The following SLAIN2 variants were observed in gnomAD, a reference collection of about 807,000 sequenced individuals.
SLAIN2 encodes SLAIN motif-containing protein 2.
Under a neutral mutation model 56.6 loss-of-function variants are expected in SLAIN2, and 31 were observed. The ratio of observed to expected loss-of-function variants is 0.55; its 90% CI spans 0.41 to 0.74. SLAIN2 has a LOEUF of 0.74. Among genes scored for constraint, SLAIN2 ranks in the 30% least tolerant of loss-of-function variants. The pLI is 0.00. For synonymous variants in SLAIN2, 317 were observed against 284.9 expected, an observed-to-expected ratio of 1.11 and a Z score of -1.13; for missense variants, 777 against 754.2, an observed-to-expected ratio of 1.03 and a Z score of -0.35.
intron 6 of SLAIN2, among the ~76,000 whole-genome samples, chr4:48,385,226 C>T (rs1013695912): frequency 2.0e-5 from 3 of 152,140 alleles, no homozygotes; most frequent in Non-Finnish European, 4.4e-5. Context: ...TACTTTTTAG[C>T]TAGGATAGAT....
Position 48,383,729 on chromosome 4 carries a change from A to G in SLAIN2, c.1305A>G (p.Ser435=), listed in dbSNP as rs749428457. ...CAGTGAAAAGCAGCAGAAGTGACTC[A>G]AATTTTCAAGTGCCAAACGGAGGAA... The part of the protein sequence containing the change: ...VDSVKSSRSD[S]NFQVPNGGIP... Residue 435 remains serine (S), a synonymous_variant, in exon 6 of 8, where the codon TCA becomes TCG. Transcript: ENST00000264313. 18 of 1,612,008 alleles carry G rather than the reference A, an allele frequency of 1.1e-5. No homozygotes were observed. The African/African-American group carries it at 2.3e-4, about 20-fold the overall frequency.
At position 48,341,962 on chromosome 4, in the gene SLAIN2, T is replaced by C; in HGVS notation, c.223T>C (p.Ser75Pro). 1.4e-6 allele frequency: 2 copies of C among 1,444,336 alleles called. No individual in the cohort carries two copies. The highest frequency in any genetic ancestry group is 1.8e-6 in the Non-Finnish European group (2 of 1,104,412). 89.5% of individuals were successfully genotyped at this position (1,444,336 alleles called of 1,614,324 possible). ...RGFPLGLSAK[S>P]GGGPGSGPRR... is the part of the protein sequence containing the mutation. ...CTTCCCCTTGGGCCTCAGCGCCAAG[T>C]CGGGCGGCGGGCCCGGGTCGGGCCC... Residue 75 changes from serine (S) to proline (P), a missense_variant, in exon 1 of 8, where the codon TCG becomes CCG. Physicochemically the swap from Ser to Pro is moderately conservative, Grantham distance 74. Transcript: ENST00000264313.
rs57035501 is a variant in SLAIN2 at position 48,409,317 on chromosome 4, A to T, written c.1361-10808A>T. Among the ~76,000 whole-genome samples the T allele has an allele frequency of 1.7e-3, 259 of 151,374 alleles. 1 individual carries two copies. The highest frequency in any genetic ancestry group is 6.0e-3 in the African/African-American group (249 of 41,194). On this transcript the variant is annotated intron_variant, in intron 6 of 7. Transcript: ENST00000264313. ...TTTTTGGTATCCATTAACCATCTCCACCTCCCCCGACCCTGCCATCAGCTA... is the reference window on the plus strand; with the variant it reads ...TTTTTGGTATCCATTAACCATCTCCTCCTCCCCCGACCCTGCCATCAGCTA...
At chr4:48,357,037 TAATG>T (rs543391360) in intron 1 of SLAIN2, among the ~76,000 whole-genome samples, 8 of 151,932 alleles carry the variant, frequency 5.3e-5, no homozygotes, top group Admixed American at 5.2e-4. Context: ...AAAACTTTAT[TAATG>T]AGTTTGCCTT....
chr4:48,361,655 C>T (rs1715330784), intron 1 of SLAIN2, among the ~76,000 whole-genome samples: 2 of 151,818 alleles, frequency 1.3e-5, no homozygotes, highest in African/African-American at 2.4e-5. Flanking sequence ...TTTATCCGTT[C>T]TTTGGCCTTT....
At chr4:48,401,702 C>A (rs1716561516) in intron 6 of SLAIN2, among the ~76,000 whole-genome samples, 1 of 151,812 alleles carries the variant, frequency 6.6e-6, no homozygotes, top group Non-Finnish European at 1.5e-5. Context: ...TTGAAGACAG[C>A]ATGGGTCTTG....
At chr4:48,388,331 TGA>T (rs1716151878) in intron 6 of SLAIN2, among the ~76,000 whole-genome samples, 1 of 152,154 alleles carries the variant, frequency 6.6e-6, no homozygotes, top group African/African-American at 2.4e-5. Context: ...GGAATGTTCG[TGA>T]GAGAGTTTTT....
At chr4:48,363,872 C>G (rs1326404727) in intron 1 of SLAIN2, among the ~76,000 whole-genome samples, 4 of 134,508 alleles carry the variant, frequency 3.0e-5, no homozygotes, top group East Asian at 2.4e-4. Context: ...TAGGGGCGGC[C>G]GGGCAGAGGC....
In SLAIN2 at chr4:48,350,219, G is replaced by A. The variant is rs575590101; in HGVS notation, c.389+8091G>A. 1.8e-4 allele frequency among the ~76,000 whole-genome samples: 27 copies of A among 152,240 alleles called. 1 individual carries two copies. The Middle Eastern group carries it at 0.014, about 77-fold the overall frequency. ...GTGAGCCTTCTGGATCACTGATGTTGCTACTGCTCCTCAGTCCCCATCTTT... is the reference window on the plus strand; with the variant it reads ...GTGAGCCTTCTGGATCACTGATGTTACTACTGCTCCTCAGTCCCCATCTTT... On this transcript the variant is annotated intron_variant, in intron 1 of 7. Coordinates refer to ENST00000264313, the MANE Select transcript of SLAIN2 (RefSeq NM_020846.2).
chr4:48,358,108 C>T (rs1715210011), intron 1 of SLAIN2, among the ~76,000 whole-genome samples: 1 of 152,116 alleles, frequency 6.6e-6, no homozygotes, highest in Non-Finnish European at 1.5e-5. Flanking sequence ...TTGGTTTTGC[C>T]ATTTAATAGC....
At chr4:48,402,106 T>C (rs1716570555) in intron 6 of SLAIN2, among the ~76,000 whole-genome samples, 1 of 152,208 alleles carries the variant, frequency 6.6e-6, no homozygotes, top group South Asian at 2.1e-4. Flanking sequence ...CCCCAATCTC[T>C]TCTGGCTTTG....
At chr4:48,379,920 T>A in intron 4 of SLAIN2, 72 bp downstream of exon 4, 1 of 1,293,546 alleles carries the variant, frequency 7.7e-7, no homozygotes, top group Non-Finnish European at 1.0e-6. Flanking sequence ...AAATATGTCT[T>A]AAAGTATTGT....
intron 1 of SLAIN2, among the ~76,000 whole-genome samples, chr4:48,366,563 T>A (rs1444004002): frequency 1.3e-5 from 2 of 152,236 alleles, no homozygotes; most frequent in Non-Finnish European, 1.5e-5. Flanking sequence ...TATTGTCTAA[T>A]AATTGCCACT....
chr4:48,369,183 G>A lies in SLAIN2; in HGVS notation c.390-666G>A, dbSNP rs183491528. Reference sequence around the variant, plus strand: ...AATTAATAGTAACTGACATAATCTGGATTAATCTGAGAAACATGAAGTAGA... The same window carrying A: ...AATTAATAGTAACTGACATAATCTGAATTAATCTGAGAAACATGAAGTAGA... On this transcript the variant is annotated intron_variant, in intron 1 of 7. Transcript: ENST00000264313. 4.0e-3 allele frequency among the ~76,000 whole-genome samples: 602 copies of A among 152,216 alleles called. 3 individuals carry two copies. The highest frequency in any genetic ancestry group is 6.9e-3 in the Non-Finnish European group (472 of 68,000).
intron 6 of SLAIN2, among the ~76,000 whole-genome samples, chr4:48,402,654 G>A (rs187237651): frequency 8.5e-5 from 13 of 152,150 alleles, no homozygotes; most frequent in Non-Finnish European, 1.5e-4. Flanking sequence ...TGTCAGCTCC[G>A]GTATTGTTTT....
At chr4:48,405,371 G>A (rs1022133441) in intron 6 of SLAIN2, among the ~76,000 whole-genome samples, 4 of 151,990 alleles carry the variant, frequency 2.6e-5, no homozygotes, top group African/African-American at 9.7e-5. Context: ...TTTTTGATAT[G>A]TCTTTTTAAG....
chr4:48,342,687 A>C (rs1327270257), intron 1 of SLAIN2, among the ~76,000 whole-genome samples: 3 of 140,054 alleles, frequency 2.1e-5, no homozygotes, highest in African/African-American at 7.8e-5. Flanking sequence ...GCTTTGTGTG[A>C]AGAGAGGGCA....
intron 4 of SLAIN2, 77 bp from the exon 5 acceptor site, chr4:48,382,488 GATA>G: frequency 7.4e-7 from 1 of 1,342,774 alleles, no homozygotes; most frequent in African/African-American, 1.5e-5. Context: ...ATTTTTCAGT[GATA>G]ATCTTTTACT....
At chr4:48,398,029 A>G (rs1716454056) in intron 6 of SLAIN2, among the ~76,000 whole-genome samples, 1 of 152,198 alleles carries the variant, frequency 6.6e-6, no homozygotes, top group South Asian at 2.1e-4. Flanking sequence ...ACACCCAGTA[A>G]TGGGATTGCT....
Sources: gnomAD v4.1 joint callset for allele counts (sites outside exome capture counted in the v4.1 genomes callset) on GRCh38, gnomAD v4.1.1 for gene constraint, MANE v1.5 for transcripts, NCBI Gene and HGNC (gene_info 2026-07-23, HGNC 2026-07-21) for gene names.